OTUD4: variants seen among roughly 807,000 people sequenced by gnomAD.
OTUD4 encodes the protein OTU domain-containing protein 4.
In OTUD4, 24 loss-of-function variants were observed where a neutral mutation model predicts 130.4. That is an observed-to-expected ratio of 0.18 (90% CI 0.13 to 0.26). The LOEUF is 0.26. OTUD4 is among the 10% of genes least tolerant of loss of function. The pLI, the probability that OTUD4 is intolerant of heterozygous loss-of-function variation, is 1.00. For synonymous variants in OTUD4, 420 were observed against 472.5 expected (o/e 0.89, Z 1.44); for missense variants, 1,031 against 1,329.4 (o/e 0.78, Z 3.49).
chr4:145,147,617 A>G (rs1199489559), intron 13 of OTUD4, among the ~76,000 whole-genome samples: 1 of 152,208 alleles, frequency 6.6e-6, no homozygotes, highest in East Asian at 1.9e-4. Flanking sequence ...ATTCAGCCAC[A>G]GTATTTCCTG....
intron 1 of OTUD4, among the ~76,000 whole-genome samples, chr4:145,176,285 AG>A (rs1336576231): frequency 6.6e-6 from 1 of 151,790 alleles, no homozygotes; most frequent in African/African-American, 2.4e-5. Flanking sequence ...TGTACCGTAA[AG>A]GGTTATGGTT....
intron 3 of OTUD4, among the ~76,000 whole-genome samples, chr4:145,168,110 T>A (rs1476126863): frequency 2.6e-5 from 4 of 152,164 alleles, no homozygotes; most frequent in Admixed American, 2.0e-4. Flanking sequence ...GTGACATATA[T>A]CTTTCTTGTA....
intron 17 of OTUD4, among the ~76,000 whole-genome samples, 157 bp downstream of exon 17, chr4:145,143,208 A>AATACATACATTTAAAAAAC (rs1750647419): frequency 1.3e-5 from 2 of 152,226 alleles, no homozygotes; most frequent in South Asian, 4.1e-4. Flanking sequence ...CTAACATCAG[A>AATACATACATTTAAAAAAC]ATACATTTAA....
In OTUD4 at chr4:145,136,581, A is replaced by G. The variant is rs1026770392; in HGVS notation, c.*849T>C. 1 of 150,274 alleles carries G rather than the reference A, an allele frequency of 6.7e-6. No individual in the cohort carries two copies. The highest frequency in any genetic ancestry group is 2.5e-5 in the African/African-American group (1 of 40,776). The allele number at this position is 150,274 out of a possible 1,614,324, so 9.3% of individuals were successfully genotyped here. ...TGCATTAGTGTTAAAGTGGCATTAA[A>G]AAAACTTCTGCAGTTCTAACTGATG... On this transcript the variant is annotated 3_prime_UTR_variant, in exon 21 of 21. Transcript: ENST00000447906.
At chr4:145,159,316 AGT>A in intron 7 of OTUD4, 185 bp downstream of exon 7, 1 of 1,406,228 alleles carries the variant, frequency 7.1e-7, no homozygotes, top group Non-Finnish European at 9.2e-7. Context: ...CAAAACAAAC[AGT>A]CCCATAATAG....
At chr4:145,140,652 T>C (rs913667009) in intron 19 of OTUD4, among the ~76,000 whole-genome samples, 3 of 152,180 alleles carry the variant, frequency 2.0e-5, no homozygotes, top group East Asian at 3.8e-4. Flanking sequence ...TATAGTACTT[T>C]AACAGCCACT....
intron 2 of OTUD4, among the ~76,000 whole-genome samples, chr4:145,172,622 G>C (rs1232977007): frequency 6.6e-6 from 1 of 152,120 alleles, no homozygotes; most frequent in Admixed American, 6.6e-5. Flanking sequence ...TGATTTAGCA[G>C]AGATATACTT....
Position 145,160,328 on chromosome 4 carries a change from T to C in OTUD4, c.497-693A>G, listed in dbSNP as rs77136423. 1.7e-4 allele frequency among the ~76,000 whole-genome samples: 26 copies of C among 152,330 alleles called. No individual in the cohort carries two copies. In the East Asian group the frequency reaches 5.0e-3, roughly 29 times the overall value. The stretch of plus-strand genomic sequence containing the variant: ...CTAAAAAAGCAGCTGTTACAAAATA[T>C]ATTCTCAGCAGCCACTGAAAGAAAG... On this transcript the variant is annotated intron_variant, in intron 6 of 20. Coordinates refer to ENST00000447906, the MANE Select transcript of OTUD4 (RefSeq NM_001366057.1).
chr4:145,156,452 G>A (rs1751295730), intron 7 of OTUD4, among the ~76,000 whole-genome samples: 1 of 152,194 alleles, frequency 6.6e-6, no homozygotes. Flanking sequence ...GGGAGGCACA[G>A]GCAGGCAGAT....
chr4:145,161,375 G>A lies in OTUD4; in HGVS notation c.496+1265C>T, dbSNP rs541994357. On this transcript the variant is annotated intron_variant, in intron 6 of 20. Coordinates refer to ENST00000447906, the MANE Select transcript of OTUD4 (RefSeq NM_001366057.1). The stretch of plus-strand genomic sequence containing the variant: ...GCCCAGGGTACAGAGGCTACACTTC[G>A]ATATCTTACAATGGATTAATTATTT... Among the ~76,000 whole-genome samples the A allele has an allele frequency of 7.2e-5, 11 of 152,232 alleles. No homozygotes were observed. The East Asian group carries it at 7.7e-4, about 11-fold the overall frequency.
chr4:145,145,988 A>C (rs953437751), intron 14 of OTUD4: 4 of 211,822 alleles, frequency 1.9e-5, no homozygotes, highest in Non-Finnish European at 3.7e-5. Flanking sequence ...CTAACAAATT[A>C]AACACATTTT....
intron 4 of OTUD4, among the ~76,000 whole-genome samples, chr4:145,164,750 T>A (rs569016487): frequency 1.3e-3 from 200 of 149,392 alleles, no homozygotes; most frequent in African/African-American, 4.5e-3. Flanking sequence ...TTCCAAAATT[T>A]AAAAAAAAAA....
intron 14 of OTUD4, among the ~76,000 whole-genome samples, chr4:145,145,539 T>C (rs190915999): frequency 1.3e-5 from 2 of 152,290 alleles, no homozygotes; most frequent in Admixed American, 1.3e-4. Flanking sequence ...CCATTATTTA[T>C]TTAATCTACT....
At position 145,143,943 on chromosome 4, in the gene OTUD4, T is replaced by C; in HGVS notation, c.1602+3A>G. 6.2e-7 allele frequency: 1 copy of C among 1,608,218 alleles called. No individual in the cohort carries two copies. The highest frequency in any genetic ancestry group is 8.5e-7 in the Non-Finnish European group (1 of 1,174,774). ...AGATGCAAGTAGTGTTTAAAACTTT[T>C]ACCTCCAATGTGCTTGGTTCGGGTC... is the stretch of plus-strand genomic sequence containing the variant. On this transcript the variant is annotated splice_donor_region_variant and intron_variant, in intron 16 of 20. Transcript: ENST00000447906.
chr4:145,168,702 T>A (rs998723439), intron 3 of OTUD4, among the ~76,000 whole-genome samples: 2 of 152,206 alleles, frequency 1.3e-5, no homozygotes, highest in African/African-American at 4.8e-5. Context: ...CTCATAATAT[T>A]GCTGATGAGA....
Position 145,141,620 on chromosome 4 carries a change from G to A in OTUD4, c.1842C>T (p.Pro614=), listed in dbSNP as rs758310302. 3.2e-5 allele frequency: 50 copies of A among 1,539,060 alleles called. No individual in the cohort carries two copies. Among genetic ancestry groups the A allele is most frequent in the East Asian group, 4.7e-5 (2 of 42,922 alleles). ...FGPTGVPAPI[P]VLSVTQTLTT... Reference sequence around the variant, plus strand: ...TCAAAGTCTGTGTCACTGACAAAACGGGAATTGGAGCAGGGACACCTACAA... The same window carrying A: ...TCAAAGTCTGTGTCACTGACAAAACAGGAATTGGAGCAGGGACACCTACAA... Residue 614 remains proline, a synonymous_variant, in exon 19 of 21, where the codon CCC becomes CCT. Transcript: ENST00000447906.
rs574783257 is a variant in OTUD4, at chr4:145,178,893, G to A, written c.159+922C>T. Among the ~76,000 whole-genome samples the A allele has an allele frequency of 2.9e-4, 44 of 152,250 alleles. No homozygotes were observed. In the South Asian group the frequency reaches 8.3e-3, roughly 29 times the overall value. On this transcript the variant is annotated intron_variant, in intron 1 of 20. Transcript: ENST00000447906. ...GGCGGGTAGGGAGGGGTGTGCAATG[G>A]GGTGTGGGGAGCAGGTCCTAGGTCA...
chr4:145,155,398 A>G lies in OTUD4; in HGVS notation c.873+13T>C, dbSNP rs375208450. ...CAAGTAAAATCTCTTCTTCTTTTAC[A>G]TAAGTCACTTACTTGACATTTGTCT... On this transcript the variant is annotated intron_variant, in intron 10 of 20. Transcript: ENST00000447906. 1.2e-5 allele frequency: 19 copies of G among 1,601,612 alleles called. No individual in the cohort carries two copies. The East Asian group carries it at 1.3e-4, about 11-fold the overall frequency.
chr4:145,144,611 A>T (rs952346684), intron 14 of OTUD4, among the ~76,000 whole-genome samples, 177 bp from the exon 15 acceptor site: 1 of 152,218 alleles, frequency 6.6e-6, no homozygotes. Context: ...TATACACCCT[A>T]GAATAATAGT....
Sources: gnomAD v4.1 joint callset for allele counts (sites outside exome capture counted in the v4.1 genomes callset) on GRCh38, gnomAD v4.1.1 for gene constraint, MANE v1.5 for transcripts, NCBI Gene and HGNC (gene_info 2026-07-23, HGNC 2026-07-21) for gene names.